The following GABRA3 variants were observed in gnomAD, a reference collection of about 807,000 sequenced individuals.
GABRA3 encodes gamma-aminobutyric acid receptor subunit alpha-3.
A neutral mutation model predicts 30.1 loss-of-function variants in GABRA3; 10 were observed. The ratio of observed to expected loss-of-function variants is 0.33; its 90% confidence interval spans 0.20 to 0.56. The LOEUF (loss-of-function observed/expected upper bound fraction) is 0.56. Ranked by LOEUF, GABRA3 falls within the 20% of genes least tolerant of loss-of-function variation. GABRA3 has a pLI of 0.89. For missense variants in GABRA3, 233 were observed against 392.0 expected (o/e 0.59, Z 3.42); for synonymous variants, 151 against 146.8 (o/e 1.03, Z -0.21).
intron 2 of GABRA3, among the ~76,000 whole-genome samples, chrX:152,353,057 C>T (rs760174141): frequency 1.8e-5 from 2 of 109,869 alleles, no homozygotes; most frequent in South Asian, 7.8e-4. Context: ...TTTACAGAAG[C>T]TGCTTGAAGA....
chrX:152,307,618 G>T (rs1220072599), intron 3 of GABRA3, among the ~76,000 whole-genome samples: 1 of 111,497 alleles, frequency 9.0e-6, no homozygotes. Context: ...TAAGAAGACT[G>T]GCACACTCTG....
intron 6 of GABRA3, among the ~76,000 whole-genome samples, chrX:152,223,649 CAT>C (rs766522590): frequency 1.9e-4 from 20 of 105,010 alleles, no homozygotes; most frequent in African/African-American, 3.4e-4. Flanking sequence ...GCTCTATTTC[CAT>C]ATATATATAT....
At chrX:152,208,698 G>A (rs1937602476) in intron 6 of GABRA3, among the ~76,000 whole-genome samples, 1 of 111,211 alleles carries the variant, frequency 9.0e-6, no homozygotes, top group African/African-American at 3.3e-5. Flanking sequence ...TAGTTCACAG[G>A]CTATCTGATT....
rs1330974832 is a variant in GABRA3 at position 152,233,876 on chromosome X, A to T, written c.552-9031T>A. Among the ~76,000 whole-genome samples, 5 of 107,431 alleles carry T rather than the reference A, an allele frequency of 4.7e-5. No individual in the cohort carries two copies. In the East Asian group the frequency reaches 1.5e-3, roughly 32 times the overall value. 93.3% of individuals were successfully genotyped at this position (107,431 alleles called of 115,157 possible). On this transcript the variant is annotated intron_variant, in intron 5 of 9. Transcript: ENST00000370314. Reference sequence around the variant, plus strand: ...GAATACTATGCAGCCATAAAAAAGGATGAGTTCATGTCCTTTGTAGGGACA... The same window carrying T: ...GAATACTATGCAGCCATAAAAAAGGTTGAGTTCATGTCCTTTGTAGGGACA...
intron 3 of GABRA3, among the ~76,000 whole-genome samples, chrX:152,319,178 A>T (rs780445890): frequency 8.9e-6 from 1 of 111,962 alleles, no homozygotes; most frequent in East Asian, 2.8e-4. Flanking sequence ...ATGTAATGCA[A>T]TTCCCATCAA....
At chrX:152,239,712 C>T (rs1214242963) in intron 5 of GABRA3, among the ~76,000 whole-genome samples, 4 of 98,771 alleles carry the variant, frequency 4.0e-5, no homozygotes, top group African/African-American at 1.2e-4. Context: ...GGATAGTTAG[C>T]TCTTCTTGTT....
At chrX:152,262,336 T>G (rs1197850887) in intron 4 of GABRA3, among the ~76,000 whole-genome samples, 1 of 112,736 alleles carries the variant, frequency 8.9e-6, no homozygotes. Context: ...AGCCTGAATT[T>G]CTTCCCAGAA....
intron 1 of GABRA3, among the ~76,000 whole-genome samples, chrX:152,422,911 A>C (rs1192400105): frequency 1.8e-5 from 2 of 111,257 alleles, no homozygotes; most frequent in Non-Finnish European, 1.9e-5. Flanking sequence ...TACATATGTT[A>C]ATAAATATGT....
chrX:152,287,205 G>A (rs1251340478), intron 3 of GABRA3, among the ~76,000 whole-genome samples: 2 of 112,082 alleles, frequency 1.8e-5, no homozygotes, highest in Non-Finnish European at 3.8e-5. Context: ...TTGTAAAATT[G>A]TAAGATAGTC....
At chrX:152,233,802 T>C (rs764173522) in intron 5 of GABRA3, among the ~76,000 whole-genome samples, 3 of 104,507 alleles carry the variant, frequency 2.9e-5, no homozygotes, top group African/African-American at 1.1e-4. Flanking sequence ...AACCCAAACG[T>C]CCAACAATGA....
At chrX:152,201,708 G>A (rs1271744071) in intron 7 of GABRA3, among the ~76,000 whole-genome samples, 1 of 111,937 alleles carries the variant, frequency 8.9e-6, no homozygotes, top group African/African-American at 3.2e-5. Context: ...TTTTTAGCTT[G>A]GCAAATTAAG....
At chrX:152,268,767 G>A (rs965257306) in intron 4 of GABRA3, among the ~76,000 whole-genome samples, 2 of 111,326 alleles carry the variant, frequency 1.8e-5, no homozygotes, top group African/African-American at 6.5e-5. Context: ...ATGAGGTTTT[G>A]TGATGTTGCC....
intron 8 of GABRA3, among the ~76,000 whole-genome samples, chrX:152,190,827 T>G (rs950907801): frequency 5.5e-5 from 6 of 109,364 alleles, no homozygotes; most frequent in Admixed American, 4.0e-4. Context: ...TTAAATTATA[T>G]TTTACATTTT....
At position 152,345,716 on chromosome X, in the gene GABRA3, AGG is replaced by A; in HGVS notation, c.141-16_141-15del. The A allele has an allele frequency of 1.7e-6, 2 of 1,151,772 alleles. No homozygotes were observed. The highest frequency in any genetic ancestry group is 2.3e-6 in the Non-Finnish European group (2 of 873,703). 94.9% of individuals were successfully genotyped at this position (1,151,772 alleles called of 1,213,427 possible). A position where few individuals can be genotyped will look rare whatever the true frequency, so the allele number is the denominator to read the frequency against. On this transcript the variant is annotated splice_polypyrimidine_tract_variant and intron_variant, in intron 2 of 9. Coordinates refer to ENST00000370314, the MANE Select transcript of GABRA3 (RefSeq NM_000808.4). The stretch of plus-strand genomic sequence containing the variant: ...TTAGGAGACAGCCTGAGGCAATGCA[AGG>A]AAAAGAAAAAAAATAATAGTTCTTA...
chrX:152,283,737 G>A (rs1324434499), intron 4 of GABRA3, among the ~76,000 whole-genome samples: 1 of 112,057 alleles, frequency 8.9e-6, no homozygotes, highest in East Asian at 2.8e-4. Flanking sequence ...GCGGAAAGAA[G>A]CTTTGTCCCC....
intron 3 of GABRA3, among the ~76,000 whole-genome samples, chrX:152,289,420 T>A (rs1249231123): frequency 9.0e-6 from 1 of 110,770 alleles, no homozygotes; most frequent in Non-Finnish European, 1.9e-5. Flanking sequence ...TCTGCTCTTC[T>A]TGTTTCTTTC....
rs184951221 is a variant in GABRA3 at position 152,262,543 on chromosome X, A to G, written c.331-6545T>C. ...GGTCTCTTTGCTAAAGCATAACAAA[A>G]GTCATCTTTGCTCCAGTTTCCAACA... On this transcript the variant is annotated intron_variant, in intron 4 of 9. Transcript: ENST00000370314. Among the ~76,000 whole-genome samples the G allele has an allele frequency of 3.7e-3, 411 of 112,126 alleles. 2 individuals carry two copies. Among genetic ancestry groups the G allele is most frequent in the African/African-American group, 0.012 (385 of 30,875 alleles).
In GABRA3 at chrX:152,322,844, CTTTTTTTTTT is replaced by C. The variant is rs1172827692; in HGVS notation, c.262+22727_262+22736del. On this transcript the variant is annotated intron_variant, in intron 3 of 9. Coordinates refer to ENST00000370314, the MANE Select transcript of GABRA3 (RefSeq NM_000808.4). ...CCACTGCACCAGGCCAAAGTCTACT[CTTTTTTTTTT>C]TTTTTTTTTTTTTTTTTGAGACAAA... Among the ~76,000 whole-genome samples, 520 of 61,261 alleles carry C rather than the reference CTTTTTTTTTT, an allele frequency of 8.5e-3. 4 individuals carry two copies. The highest frequency in any genetic ancestry group is 0.011 in the Non-Finnish European group (371 of 34,081). 53.2% of individuals were successfully genotyped at this position (61,261 alleles called of 115,157 possible). A position where few individuals can be genotyped will look rare whatever the true frequency, so the allele number is the denominator to read the frequency against.
At chrX:152,296,982 G>C (rs946186955) in intron 3 of GABRA3, among the ~76,000 whole-genome samples, 4 of 111,677 alleles carry the variant, frequency 3.6e-5, no homozygotes, top group African/African-American at 1.3e-4. Context: ...ACAGGCATGA[G>C]CCACCATGCC....
Sources: gnomAD v4.1 joint callset for allele counts (sites outside exome capture counted in the v4.1 genomes callset) on GRCh38, gnomAD v4.1.1 for gene constraint, MANE v1.5 for transcripts, NCBI Gene and HGNC (gene_info 2026-07-23, HGNC 2026-07-21) for gene names.